The following RAB11FIP5 variants were observed in gnomAD, a reference collection of about 807,000 sequenced individuals.
RAB11FIP5 encodes rab11 family-interacting protein 5.
A neutral mutation model predicts 85.1 loss-of-function variants in RAB11FIP5; 48 were observed. The observed-to-expected ratio is 0.56, with a 90% CI of 0.45 to 0.72. The LOEUF (loss-of-function observed/expected upper bound fraction) is 0.72. RAB11FIP5 is among the 30% of genes least tolerant of loss of function. RAB11FIP5 has a pLI of 0.00. For missense variants in RAB11FIP5, 1,491 were observed against 1,687.0 expected, an observed-to-expected ratio of 0.88 and a Z score of 2.04; for synonymous variants, 729 against 727.3, an observed-to-expected ratio of 1.00 and a Z score of -0.04.
chr2:73,095,910 G>A (rs1479546420), intron 1 of RAB11FIP5, among the ~76,000 whole-genome samples: 1 of 152,158 alleles, frequency 6.6e-6, no homozygotes, highest in African/African-American at 2.4e-5. Flanking sequence ...ATGCCACTGA[G>A]GGGACCTCAG....
chr2:73,102,674 G>A (rs1684452295), intron 1 of RAB11FIP5, among the ~76,000 whole-genome samples: 1 of 152,152 alleles, frequency 6.6e-6, no homozygotes, highest in African/African-American at 2.4e-5. Context: ...CTCACCACCT[G>A]AGAAGGGACC....
chr2:73,108,689 C>T (rs1476476019), intron 1 of RAB11FIP5, among the ~76,000 whole-genome samples: 1 of 152,232 alleles, frequency 6.6e-6, no homozygotes, highest in Admixed American at 6.5e-5. Flanking sequence ...CTAACCACCA[C>T]ATCCCATCCC....
intron 1 of RAB11FIP5, among the ~76,000 whole-genome samples, chr2:73,093,599 C>T (rs1341308985): frequency 1.3e-5 from 2 of 152,188 alleles, no homozygotes; most frequent in Non-Finnish European, 2.9e-5. Flanking sequence ...GTGCTGGGTC[C>T]CCCACTGACC....
intron 1 of RAB11FIP5, among the ~76,000 whole-genome samples, chr2:73,091,253 G>C (rs968863685): frequency 6.6e-6 from 1 of 152,148 alleles, no homozygotes; most frequent in African/African-American, 2.4e-5. Flanking sequence ...GAAAGGATTC[G>C]AACAGCACTG....
Position 73,080,517 on chromosome 2 carries a change from C to T in RAB11FIP5, c.2715G>A (p.Pro905=), listed in dbSNP as rs1043402844. Reference sequence around the variant, plus strand: ...GGGATCTTGAGGGTGTGAAGAGGCGCGGTGGCTTGGGAGGTGGGGTGCTGG... The same window carrying T: ...GGGATCTTGAGGGTGTGAAGAGGCGTGGTGGCTTGGGAGGTGGGGTGCTGG... The part of the protein sequence containing the change: ...LQPSTPPPKP[P]RLFTPSRSQE... The change falls in exon 4 of 6, where the codon CCG becomes CCA. Residue 905 remains proline (P), a synonymous_variant. Transcript: ENST00000486777. 6 of 1,232,990 alleles carry T rather than the reference C, an allele frequency of 4.9e-6. No homozygotes were observed. The highest frequency in any genetic ancestry group is 6.1e-6 in the Non-Finnish European group (6 of 988,324). 76.4% of individuals were successfully genotyped at this position (1,232,990 alleles called of 1,614,324 possible). A position where few individuals can be genotyped will look rare whatever the true frequency, so the allele number is the denominator to read the frequency against.
chr2:73,111,351 T>C (rs188350480), intron 1 of RAB11FIP5, among the ~76,000 whole-genome samples: 1 of 152,248 alleles, frequency 6.6e-6, no homozygotes, highest in African/African-American at 2.4e-5. Context: ...GGGCAAACCT[T>C]TCCGGCACCT....
At chr2:73,109,316 G>A (rs1365073560) in intron 1 of RAB11FIP5, among the ~76,000 whole-genome samples, 3 of 152,072 alleles carry the variant, frequency 2.0e-5, no homozygotes. Context: ...TACAACCCCA[G>A]CCACCACCAT....
At position 73,074,496 on chromosome 2, in the gene RAB11FIP5, C is replaced by G. The variant is rs1683810179; in HGVS notation, c.*1025G>C. The G allele has an allele frequency of 6.5e-6, 1 of 153,310 alleles. No individual in the cohort carries two copies. Among genetic ancestry groups the G allele is most frequent in the African/African-American group, 2.4e-5 (1 of 41,474 alleles). 9.5% of individuals were successfully genotyped at this position (153,310 alleles called of 1,614,324 possible). A position where few individuals can be genotyped will look rare whatever the true frequency, so the allele number is the denominator to read the frequency against. On this transcript the variant is annotated 3_prime_UTR_variant, in exon 6 of 6. Coordinates refer to ENST00000486777, the MANE Select transcript of RAB11FIP5 (RefSeq NM_001371272.1). Reference sequence around the variant, plus strand: ...GGGGAACAGCCCACAGCAGTGCTGTCCATTCCCATTCCCAGGGCCCTGAGA... The same window carrying G: ...GGGGAACAGCCCACAGCAGTGCTGTGCATTCCCATTCCCAGGGCCCTGAGA...
intron 1 of RAB11FIP5, among the ~76,000 whole-genome samples, chr2:73,092,283 C>T (rs987940856): frequency 2.0e-5 from 3 of 152,220 alleles, no homozygotes; most frequent in African/African-American, 7.2e-5. Context: ...GCACAGCCAG[C>T]CTTTGCTGGG....
intron 1 of RAB11FIP5, among the ~76,000 whole-genome samples, chr2:73,106,054 C>T (rs1232955461): frequency 6.6e-6 from 1 of 151,974 alleles, no homozygotes; most frequent in Non-Finnish European, 1.5e-5. Flanking sequence ...CCTGACCCCA[C>T]CCCCTCAAAA....
Position 73,088,042 on chromosome 2 carries a change from C to T in RAB11FIP5, c.1568+8G>A, listed in dbSNP as rs201414059. ...CAAGGAGCAAAGTTGGTCTTGCCAA[C>T]GACTTACCTGGGTTTCTGAGTCGGG... On this transcript the variant is annotated splice_region_variant and intron_variant, in intron 3 of 5. Transcript: ENST00000486777. The T allele has an allele frequency of 5.8e-4, 910 of 1,579,368 alleles. 11 individuals are homozygous for T. The African/African-American group carries it at 0.01, about 18-fold the overall frequency.
intron 1 of RAB11FIP5, among the ~76,000 whole-genome samples, chr2:73,097,576 G>A (rs752988702): frequency 6.6e-6 from 1 of 152,168 alleles, no homozygotes; most frequent in Non-Finnish European, 1.5e-5. Flanking sequence ...TGTGACTAAC[G>A]TGGGCCCCCT....
intron 1 of RAB11FIP5, among the ~76,000 whole-genome samples, chr2:73,098,781 T>C (rs1684373485): frequency 6.6e-6 from 1 of 152,170 alleles, no homozygotes; most frequent in South Asian, 2.1e-4. Flanking sequence ...ACATCTTTAT[T>C]TCCCCTAATC....
chr2:73,076,134 G>A lies in RAB11FIP5; in HGVS notation c.3630C>T (p.Pro1210=), dbSNP rs564448172. The change falls in exon 5 of 6, where the codon CCC becomes CCT. Residue 1210 remains proline (P), a synonymous_variant. Coordinates refer to ENST00000486777, the MANE Select transcript of RAB11FIP5 (RefSeq NM_001371272.1). ...GACTGGAGCGGGACTGCTTCCTGTC[G>A]GGGCTGCCCTCCACAGGGGCGGCAC... The part of the protein sequence containing the change: ...PLSAAPVEGS[P]DRKQSRSSLS... 2.9e-5 allele frequency: 47 copies of A among 1,613,844 alleles called. No individual in the cohort carries two copies. The highest frequency in any genetic ancestry group is 1.7e-4 in the Middle Eastern group (1 of 6,060).
chr2:73,108,475 G>T (rs1232253124), intron 1 of RAB11FIP5, among the ~76,000 whole-genome samples: 1 of 152,160 alleles, frequency 6.6e-6, no homozygotes, highest in Admixed American at 6.5e-5. Context: ...GCATTCCAGG[G>T]GGCAAAGACC....
chr2:73,109,514 G>A lies in RAB11FIP5; in HGVS notation c.431+2833C>T, dbSNP rs575082979. ...CCTGTCTGCTGGTAAGTCACAGAACGGGGAGTGAAATCCCAGTCTCCAGGT... is the reference window on the plus strand; with the variant it reads ...CCTGTCTGCTGGTAAGTCACAGAACAGGGAGTGAAATCCCAGTCTCCAGGT... On this transcript the variant is annotated intron_variant, in intron 1 of 5. Coordinates refer to ENST00000486777, the MANE Select transcript of RAB11FIP5 (RefSeq NM_001371272.1). Among the ~76,000 whole-genome samples, 8 of 152,310 alleles carry A rather than the reference G, an allele frequency of 5.3e-5. No individual in the cohort carries two copies. The East Asian group carries it at 5.8e-4, about 11-fold the overall frequency.
chr2:73,104,099 A>C (rs1050049755), intron 1 of RAB11FIP5, among the ~76,000 whole-genome samples: 18 of 152,176 alleles, frequency 1.2e-4, no homozygotes, highest in African/African-American at 4.3e-4. Flanking sequence ...ACAAGGAGGG[A>C]GGGAAGAAAA....
rs1300798479 is a variant in RAB11FIP5 at position 73,111,914 on chromosome 2, C to G, written c.431+433G>C. Among the ~76,000 whole-genome samples the G allele has an allele frequency of 2.0e-5, 3 of 152,172 alleles. No homozygotes were observed. In the East Asian group the frequency reaches 5.8e-4, roughly 29 times the overall value. On this transcript the variant is annotated intron_variant, in intron 1 of 5. Transcript: ENST00000486777. ...GGAAGACACCTGGCTTTCCTTCCCC[C>G]GTAGGGCAAGGCTGCGCCTCTCCAC...
intron 1 of RAB11FIP5, among the ~76,000 whole-genome samples, chr2:73,099,423 C>A (rs78744549): frequency 6.6e-6 from 1 of 152,112 alleles, no homozygotes; most frequent in Admixed American, 6.5e-5. Flanking sequence ...GCTGAGAAAA[C>A]CTGCTTTAGA....
Sources: gnomAD v4.1 joint callset for allele counts (sites outside exome capture counted in the v4.1 genomes callset) on GRCh38, gnomAD v4.1.1 for gene constraint, MANE v1.5 for transcripts, NCBI Gene and HGNC (gene_info 2026-07-23, HGNC 2026-07-21) for gene names.